The following GGA2 variants were observed in gnomAD, a reference collection of about 807,000 sequenced individuals.
GGA2 encodes the protein golgi associated, gamma adaptin ear containing, ARF binding protein 2.
In GGA2, 48 loss-of-function variants were observed where a neutral mutation model predicts 79.5. That is an observed-to-expected ratio of 0.60 (90% CI 0.48 to 0.77). GGA2 has a LOEUF of 0.77. GGA2 is among the 30% of genes least tolerant of loss of function. The pLI is 0.00. For synonymous variants in GGA2, 317 were observed against 302.0 expected (o/e 1.05, Z -0.51); for missense variants, 770 against 774.0 (o/e 0.99, Z 0.06).
intron 12 of GGA2, 40 bp from the exon 13 acceptor site, chr16:23,478,541 A>C (rs1438267282): frequency 6.3e-7 from 1 of 1,597,044 alleles, no homozygotes; most frequent in South Asian, 1.1e-5. Context: ...CCAGGGTATG[A>C]ATGACCATCA....
chr16:23,521,800 T>C (rs1965145721), exon 1 of GGA2: 3 of 454,656 alleles, frequency 6.6e-6, no homozygotes, highest in Non-Finnish European at 8.8e-6. Context: ...CACTTGACCA[T>C]GAGCCAAGAA....
chr16:23,485,265 G>A (rs1053083839), intron 8 of GGA2, among the ~76,000 whole-genome samples: 1 of 152,182 alleles, frequency 6.6e-6, no homozygotes, highest in African/African-American at 2.4e-5. Context: ...GACTGTTAAT[G>A]GGTACAAGGT....
Position 23,470,104 on chromosome 16 carries a change from G to T in GGA2, c.1512C>A (p.Ser504=), listed in dbSNP as rs1330620614. ...CTGGGTGCCCAGGGGCTCCCGTCTG[G>T]GAGAAGTGGAGCAGAATTCTGAATC... ...RNGFRILLHF[S]QTGAPGHPEV... Residue 504 remains serine (S), a synonymous_variant, in exon 15 of 17, where the codon TCC becomes TCA. Transcript: ENST00000309859. The T allele has an allele frequency of 6.2e-7, 1 of 1,610,574 alleles. No homozygotes were observed. The highest frequency in any genetic ancestry group is 1.7e-5 in the Admixed American group (1 of 59,540).
At chr16:23,481,266 G>C (rs941960099) in intron 9 of GGA2, among the ~76,000 whole-genome samples, 1 of 152,142 alleles carries the variant, frequency 6.6e-6, no homozygotes, top group South Asian at 2.1e-4. Flanking sequence ...CCAGCTATTC[G>C]GGAGGCTGAG....
intron 2 of GGA2, among the ~76,000 whole-genome samples, chr16:23,516,759 A>G (rs1186492763): frequency 6.6e-6 from 1 of 152,060 alleles, no homozygotes; most frequent in African/African-American, 2.4e-5. Flanking sequence ...GATCTGACTG[A>G]TTTATGGAGA....
upstream of GGA2, among the ~76,000 whole-genome samples, chr16:23,512,537 A>C (rs1245491703): frequency 6.9e-6 from 1 of 144,860 alleles, no homozygotes; most frequent in Non-Finnish European, 1.5e-5. Flanking sequence ...TCCACACACA[A>C]GCAAATGAAT....
intron 13 of GGA2, 121 bp downstream of exon 13, chr16:23,478,247 A>G: frequency 1.5e-6 from 1 of 678,458 alleles, no homozygotes. Flanking sequence ...AAAGAAAGAA[A>G]GAAAGATGTT....
rs1964813724 is a variant in GGA2, at chr16:23,493,383, G to C, written c.328C>G (p.Leu110Val). Reference protein sequence around the residue: ...EVAKFRFLNELIKVLSPKYLG... With the variant: ...EVAKFRFLNEVIKVLSPKYLG... ...ACCTTTGGGGACAACACTTTGATCA[G>C]TTCGTTCAGGAAACGAAATTTGGCC... The change falls in exon 4 of 17, where the codon CTG (leucine) becomes GTG (valine). Residue 110 changes from leucine (L) to valine (V), a missense_variant. By Grantham distance (32) the Leu-to-Val change is conservative. Coordinates refer to ENST00000309859, the MANE Select transcript of GGA2 (RefSeq NM_015044.4). The C allele has an allele frequency of 6.2e-7, 1 of 1,605,512 alleles. No individual in the cohort carries two copies. The highest frequency in any genetic ancestry group is 2.2e-5 in the East Asian group (1 of 44,826).
chr16:23,516,103 G>A (rs993080932), intron 2 of GGA2, among the ~76,000 whole-genome samples: 4 of 152,056 alleles, frequency 2.6e-5, no homozygotes, highest in African/African-American at 9.7e-5. Flanking sequence ...AACTGCCTGG[G>A]CTCAAGTGAT....
At chr16:23,474,075 G>C (rs1406470900) in intron 14 of GGA2, among the ~76,000 whole-genome samples, 2 of 151,584 alleles carry the variant, frequency 1.3e-5, no homozygotes, top group Non-Finnish European at 2.9e-5. Flanking sequence ...TTAATTAGCC[G>C]AGCCTTCCAT....
At chr16:23,499,643 G>A (rs1020832924) in intron 1 of GGA2, among the ~76,000 whole-genome samples, 12 of 151,688 alleles carry the variant, frequency 7.9e-5, no homozygotes, top group African/African-American at 1.9e-4. Flanking sequence ...GGAAGATCCC[G>A]AGTAGGGACG....
At chr16:23,492,357 G>A (rs1964799577) in intron 4 of GGA2, among the ~76,000 whole-genome samples, 2 of 152,282 alleles carry the variant, frequency 1.3e-5, no homozygotes, top group South Asian at 2.1e-4. Flanking sequence ...GTGGTGGGGC[G>A]GGCAGGGGGG....
intron 13 of GGA2, 112 bp from the exon 14 acceptor site, chr16:23,475,173 G>C: frequency 2.0e-6 from 1 of 512,530 alleles, no homozygotes; most frequent in Non-Finnish European, 3.5e-6. Context: ...CACACACAGA[G>C]TTAGATGTTA....
rs139215193 is a variant in GGA2, at chr16:23,468,339, A to G, written c.1731+547T>C. On this transcript the variant is annotated intron_variant, in intron 16 of 16. Transcript: ENST00000309859. ...ACTACAGGCGCACGCCACCATGCCC[A>G]GCTAATTTTTGTATTTTTAGTAGAG... Among the ~76,000 whole-genome samples the G allele has an allele frequency of 2.2e-3, 338 of 151,848 alleles. 1 individual carries two copies. Among genetic ancestry groups the G allele is most frequent in the African/African-American group, 7.8e-3 (321 of 41,374 alleles).
rs116992345 is a variant in GGA2 at position 23,482,350 on chromosome 16, A to C, written c.880+573T>G. ...TGTGTACAAAGAGAGGTACAGATGA[A>C]GTAAGATTAAAAAAATCAGCTATGA... On this transcript the variant is annotated intron_variant, in intron 9 of 16. Transcript: ENST00000309859. Among the ~76,000 whole-genome samples, 14 of 152,362 alleles carry C rather than the reference A, an allele frequency of 9.2e-5. No individual in the cohort carries two copies. In the East Asian group the frequency reaches 2.7e-3, roughly 29 times the overall value.
At chr16:23,481,367 C>A (rs1964645999) in intron 9 of GGA2, among the ~76,000 whole-genome samples, 1 of 152,074 alleles carries the variant, frequency 6.6e-6, no homozygotes, top group Admixed American at 6.5e-5. Flanking sequence ...GAGCGAAACT[C>A]CATCTCAAGA....
chr16:23,517,888 C>T (rs991477398), intron 2 of GGA2, among the ~76,000 whole-genome samples: 8 of 152,052 alleles, frequency 5.3e-5, no homozygotes, highest in African/African-American at 1.4e-4. Flanking sequence ...CATGAGCCAC[C>T]GCGCCTGGCC....
Position 23,469,988 on chromosome 16 carries a change from T to A in GGA2, c.1620+8A>T. 6.6e-7 allele frequency: 1 copy of A among 1,509,382 alleles called. No individual in the cohort carries two copies. The highest frequency in any genetic ancestry group is 8.9e-7 in the Non-Finnish European group (1 of 1,126,206). 93.5% of individuals were successfully genotyped at this position (1,509,382 alleles called of 1,614,324 possible). A position where few individuals can be genotyped will look rare whatever the true frequency, so the allele number is the denominator to read the frequency against. On this transcript the variant is annotated splice_region_variant and intron_variant, in intron 15 of 16. Transcript: ENST00000309859. ...CCATTACTGAGAAATCCCCAACAGA[T>A]GACTCACCTTTGGCACAGCCACTTG...
At chr16:23,490,666 C>G (rs573926762) in intron 5 of GGA2, among the ~76,000 whole-genome samples, 2 of 150,524 alleles carry the variant, frequency 1.3e-5, no homozygotes. Flanking sequence ...ACCCAGGAGG[C>G]GGAGGTTGCA....
Sources: allele counts gnomAD v4.1 joint callset (sites outside exome capture counted in the v4.1 genomes callset), GRCh38; gene constraint gnomAD v4.1.1; transcripts MANE v1.5; gene names NCBI Gene and HGNC (gene_info 2026-07-23, HGNC 2026-07-21).